Variants in SPAG16 observed in about 807,000 individuals in gnomAD.
The protein encoded by SPAG16 is sperm associated antigen 16.
Under a neutral mutation model 80.4 loss-of-function variants are expected in SPAG16, and 86 were observed. The ratio of observed to expected loss-of-function variants is 1.07; its 90% CI spans 0.90 to 1.28. The LOEUF (loss-of-function observed/expected upper bound fraction) is 1.28, where lower values mean the gene tolerates loss of function less well. Ranked by LOEUF, SPAG16 falls within the 50% of genes most tolerant of loss-of-function variation. The probability of loss-of-function intolerance (pLI) is 0.00; values close to 1 mark genes in which losing one functional copy is unlikely to be tolerated. For missense variants in SPAG16, 870 were observed against 765.3 expected, an observed-to-expected ratio of 1.14 and a Z score of -1.61; for synonymous variants, 294 against 265.9, an observed-to-expected ratio of 1.11 and a Z score of -1.03.
At chr2:213,390,582 A>G (rs1463285273) in intron 9 of SPAG16, among the ~76,000 whole-genome samples, 1 of 152,204 alleles carries the variant, frequency 6.6e-6, no homozygotes, top group African/African-American at 2.4e-5. Context: ...TTTGGGAAAT[A>G]TTCACATCAA....
chr2:214,368,397 C>G lies in SPAG16; in HGVS notation c.1721-41743C>G, dbSNP rs558378491. Among the ~76,000 whole-genome samples, 29 of 152,204 alleles carry G rather than the reference C, an allele frequency of 1.9e-4. 1 individual carries two copies. Among genetic ancestry groups the G allele is most frequent in the Admixed American group, 1.8e-3 (28 of 15,276 alleles). On this transcript the variant is annotated intron_variant, in intron 15 of 15. Coordinates refer to ENST00000331683, the MANE Select transcript of SPAG16 (RefSeq NM_024532.5). ...TCTCTACCTCTTTGCTTCATTAATACTTGGTGTTCTCTCACAATAAGGCCC... is the reference window on the plus strand; with the variant it reads ...TCTCTACCTCTTTGCTTCATTAATAGTTGGTGTTCTCTCACAATAAGGCCC...
chr2:213,333,612 A>C (rs957878530), intron 5 of SPAG16, among the ~76,000 whole-genome samples: 1 of 152,056 alleles, frequency 6.6e-6, no homozygotes, highest in African/African-American at 2.4e-5. Context: ...ATACTACAGA[A>C]ATATAGTAAC....
At position 213,913,604 on chromosome 2, in the gene SPAG16, CATGTACATATAT is replaced by C. The variant is rs1559581366; in HGVS notation, c.1215-16355_1215-16344del. The stretch of plus-strand genomic sequence containing the variant: ...GTACATGTACATATATGTATATGTA[CATGTACATATAT>C]GTATATGTACATGTACATATATGTA... On this transcript the variant is annotated intron_variant, in intron 11 of 15. Transcript: ENST00000331683. 1.2e-3 allele frequency among the ~76,000 whole-genome samples: 11 copies of C among 9,262 alleles called. 1 individual carries two copies. The highest frequency in any genetic ancestry group is 1.9e-3 in the African/African-American group (11 of 5,870). 6.1% of individuals were successfully genotyped at this position (9,262 alleles called of 152,430 possible).
chr2:214,209,437 C>T (rs1475183051), intron 15 of SPAG16, among the ~76,000 whole-genome samples: 2 of 152,128 alleles, frequency 1.3e-5, no homozygotes, highest in East Asian at 1.9e-4. Flanking sequence ...ATGCATCAAT[C>T]GAGAGATGTT....
At chr2:213,922,099 A>G (rs1212319655) in intron 11 of SPAG16, among the ~76,000 whole-genome samples, 2 of 152,192 alleles carry the variant, frequency 1.3e-5, no homozygotes, top group African/African-American at 2.4e-5. Flanking sequence ...TTTCATGTAC[A>G]ATATCCTGAT....
chr2:214,208,488 T>C (rs6723049), intron 15 of SPAG16, among the ~76,000 whole-genome samples: 7 of 152,118 alleles, frequency 4.6e-5, no homozygotes, highest in African/African-American at 1.4e-4. Context: ...CTGAATCTTT[T>C]TCAAACTATT....
At chr2:213,819,968 G>T (rs1448339074) in intron 10 of SPAG16, among the ~76,000 whole-genome samples, 1 of 144,778 alleles carries the variant, frequency 6.9e-6, no homozygotes, top group East Asian at 2.0e-4. Flanking sequence ...TAGTAGAGAC[G>T]GGTTTTGCCA....
chr2:214,321,608 A>T (rs1451060592), intron 15 of SPAG16, among the ~76,000 whole-genome samples: 1 of 152,212 alleles, frequency 6.6e-6, no homozygotes, highest in Non-Finnish European at 1.5e-5. Flanking sequence ...AATTTCTTGA[A>T]TTGTAACATT....
intron 9 of SPAG16, among the ~76,000 whole-genome samples, chr2:213,486,234 C>A (rs909970763): frequency 2.0e-5 from 3 of 152,092 alleles, no homozygotes; most frequent in African/African-American, 7.3e-5. Flanking sequence ...CTCCACTGAT[C>A]TTTTCAGCCT....
chr2:214,289,581 T>C (rs1384249863), intron 15 of SPAG16, among the ~76,000 whole-genome samples: 1 of 152,228 alleles, frequency 6.6e-6, no homozygotes, highest in Non-Finnish European at 1.5e-5. Flanking sequence ...TCCATTGGTC[T>C]ATGTGTCTGC....
intron 15 of SPAG16, among the ~76,000 whole-genome samples, chr2:214,175,414 A>T (rs1280230289): frequency 6.6e-6 from 1 of 150,718 alleles, no homozygotes; most frequent in Non-Finnish European, 1.5e-5. Context: ...TACTGTCAAC[A>T]TGAGTACGTC....
At chr2:213,371,669 G>C (rs7609021) in intron 8 of SPAG16, among the ~76,000 whole-genome samples, 39,337 of 151,038 alleles carry the variant, frequency 0.26, 5,887 homozygotes, top group Middle Eastern at 0.44. Flanking sequence ...ACAACAAATT[G>C]ATTGTCATTT....
chr2:213,731,586 T>C (rs542295712), intron 10 of SPAG16, among the ~76,000 whole-genome samples: 1 of 152,066 alleles, frequency 6.6e-6, no homozygotes, highest in East Asian at 1.9e-4. Flanking sequence ...ATCACCCAGG[T>C]ATTAAGCCCA....
chr2:214,165,730 T>C (rs2056628509), intron 15 of SPAG16, among the ~76,000 whole-genome samples: 1 of 151,254 alleles, frequency 6.6e-6, no homozygotes, highest in African/African-American at 2.4e-5. Context: ...AAGTGGTGAA[T>C]ATGCTGTTGA....
chr2:214,259,116 G>T (rs1690932844), intron 15 of SPAG16, among the ~76,000 whole-genome samples: 1 of 151,358 alleles, frequency 6.6e-6, no homozygotes. Context: ...ATTTTGGATT[G>T]TTTTAATAAG....
intron 10 of SPAG16, among the ~76,000 whole-genome samples, chr2:213,657,832 A>G (rs887952651): frequency 6.7e-6 from 1 of 148,868 alleles, no homozygotes; most frequent in Non-Finnish European, 1.5e-5. Context: ...AAAATATTTT[A>G]GAAGAAACAG....
chr2:213,328,699 A>G (rs1293538562), intron 5 of SPAG16, among the ~76,000 whole-genome samples: 4 of 152,054 alleles, frequency 2.6e-5, no homozygotes, highest in Non-Finnish European at 5.9e-5. Context: ...GTTATGGCCA[A>G]ACTCTGCCTT....
intron 1 of SPAG16, among the ~76,000 whole-genome samples, chr2:213,295,053 T>G (rs776354714): frequency 1.3e-4 from 20 of 152,298 alleles, no homozygotes; most frequent in Non-Finnish European, 2.9e-4. Context: ...ACAGAAGTTG[T>G]TATATACCCT....
chr2:213,967,865 G>A (rs1437060916), intron 12 of SPAG16, among the ~76,000 whole-genome samples: 1 of 152,156 alleles, frequency 6.6e-6, no homozygotes, highest in Non-Finnish European at 1.5e-5. Context: ...GGGACTTGAA[G>A]AACCATAGCA....
Sources: allele counts gnomAD v4.1 joint callset (sites outside exome capture counted in the v4.1 genomes callset), GRCh38; gene constraint gnomAD v4.1.1; transcripts MANE v1.5; gene names NCBI Gene and HGNC (gene_info 2026-07-23, HGNC 2026-07-21).